The following HEY1 variants were observed in gnomAD, a reference collection of about 807,000 sequenced individuals.
The protein encoded by HEY1 is hes related family bHLH transcription factor with YRPW motif 1, also known as hairy/enhancer-of-split related with YRPW motif protein 1.
HEY1 carries 9 observed loss-of-function variants against 28.7 expected under a neutral mutation model. The ratio of observed to expected loss-of-function variants is 0.31; its 90% CI spans 0.19 to 0.55. The LOEUF is 0.55. Among genes scored for constraint, HEY1 ranks in the 20% least tolerant of loss-of-function variants. The pLI is 0.93. For synonymous variants in HEY1, 213 were observed against 175.6 expected (o/e 1.21, Z -1.68); for missense variants, 385 against 399.4 (o/e 0.96, Z 0.31).
chr8:79,767,717 TAAC>T lies in HEY1; in HGVS notation c.-57_-55del, dbSNP rs1807883313. 1 of 1,335,786 alleles carries T rather than the reference TAAC, an allele frequency of 7.5e-7. No homozygotes were observed. The highest frequency in any genetic ancestry group is 1.0e-6 in the Non-Finnish European group (1 of 958,966). The allele number at this position is 1,335,786 out of a possible 1,614,324, so 82.7% of individuals were successfully genotyped here. A position where few individuals can be genotyped will look rare whatever the true frequency, so the allele number is the denominator to read the frequency against. ...GTCGGCGCGGCGGGCAGGGAGGAGT[TAAC>T]TACAGCGGCGCCTCTCCGCTCTCGG... On this transcript the variant is annotated 5_prime_UTR_variant, in exon 1 of 5. Coordinates refer to ENST00000354724, the MANE Select transcript of HEY1 (RefSeq NM_012258.4).
chr8:79,767,654 C>T lies in HEY1; in HGVS notation c.10G>A (p.Ala4Thr). 1 of 1,599,810 alleles carries T rather than the reference C, an allele frequency of 6.3e-7. No individual in the cohort carries two copies. ...TCCGAGGAGCTGTACTCGGGGTGAG[C>T]TCGCTTCATGCTGGCTCCCTGGGGG... The part of the protein sequence containing the change: MKR[A>T]HPEYSSSDSE... Residue 4 changes from alanine to threonine, a missense_variant, in exon 1 of 5, where the codon GCT becomes ACT. Ala to Thr is a moderately conservative substitution (Grantham distance 58). Coordinates refer to ENST00000354724, the MANE Select transcript of HEY1 (RefSeq NM_012258.4).
In HEY1 at chr8:79,765,676, C is replaced by G; in HGVS notation, c.427G>C (p.Gly143Arg). The G allele has an allele frequency of 6.2e-7, 1 of 1,614,236 alleles. No individual in the cohort carries two copies. Residue 143 changes from glycine (G) to arginine (R), a missense_variant, in exon 5 of 5, where the codon GGA (glycine) becomes CGA (arginine). Gly to Arg is a moderately radical substitution (Grantham distance 125). Coordinates refer to ENST00000354724, the MANE Select transcript of HEY1 (RefSeq NM_012258.4). ...CGAAGCGGGTCAGAGGCATCTAGTC[C>G]TTCAATGATGCTCAGATAACGCGCA... ...EVARYLSIIE[G>R]LDASDPLRVR...
At position 79,765,233 on chromosome 8, in the gene HEY1, A is replaced by G; in HGVS notation, c.870T>C (p.Leu290=). ...SPSAPTQAAN[L]GKPYRPWGTE... Reference sequence around the variant, plus strand: ...TCCCCCAAGGTCTATAGGGCTTGCCAAGGTTTGCAGCCTGCGTGGGTGCTG... The same window carrying G: ...TCCCCCAAGGTCTATAGGGCTTGCCGAGGTTTGCAGCCTGCGTGGGTGCTG... The change falls in exon 5 of 5, where the codon CTT becomes CTC. Residue 290 remains leucine, a synonymous_variant. Transcript: ENST00000354724. 1 of 1,553,276 alleles carries G rather than the reference A, an allele frequency of 6.4e-7. No individual in the cohort carries two copies. Among genetic ancestry groups the G allele is most frequent in the Non-Finnish European group, 8.7e-7 (1 of 1,147,586 alleles).
chr8:79,765,037 A>C lies in HEY1; in HGVS notation c.*151T>G, dbSNP rs1026570197. The stretch of plus-strand genomic sequence containing the variant: ...AAAAACATTAAAAAAGATAAAAGTA[A>C]ACCAACAAACCTTTAGTCTTTAAAA... On this transcript the variant is annotated 3_prime_UTR_variant, in exon 5 of 5. Transcript: ENST00000354724. The C allele has an allele frequency of 5.4e-6, 3 of 554,868 alleles. No homozygotes were observed. The African/African-American group carries it at 5.8e-5, about 11-fold the overall frequency. 34.4% of individuals were successfully genotyped at this position (554,868 alleles called of 1,614,324 possible). A position where few individuals can be genotyped will look rare whatever the true frequency, so the allele number is the denominator to read the frequency against.
Position 79,765,071 on chromosome 8 carries a change from A to T in HEY1, c.*117T>A. ...ACCTTTAGTCTTTAAAAAAAAAATT[A>T]TCTGAAAGTGTACCTTTTTCCTTTT... On this transcript the variant is annotated 3_prime_UTR_variant, in exon 5 of 5. Transcript: ENST00000354724. 1.5e-6 allele frequency: 1 copy of T among 654,880 alleles called. No individual in the cohort carries two copies. The highest frequency in any genetic ancestry group is 2.4e-6 in the Non-Finnish European group (1 of 415,486). The allele number at this position is 654,880 out of a possible 1,614,324, so 40.6% of individuals were successfully genotyped here. A position where few individuals can be genotyped will look rare whatever the true frequency, so the allele number is the denominator to read the frequency against.
chr8:79,765,432 G>A lies in HEY1; in HGVS notation c.671C>T (p.Pro224Leu), dbSNP rs775156388. ...GGGCGCTCGCAAAGCAGGCGCCTCC[G>A]GATGTGCCGAGCCCAGCCTGCCCTG... ...HHQGRLGSAH[P>L]EAPALRAPPS... Residue 224 changes from proline to leucine, a missense_variant, in exon 5 of 5, where the codon CCG becomes CTG. Physicochemically the swap from Pro to Leu is moderately conservative, Grantham distance 98. This residue lies in a region of HEY1 where 223 missense variants were observed against 215.9 expected (regional missense o/e 1.03). Transcript: ENST00000354724. The A allele has an allele frequency of 1.2e-6, 2 of 1,612,204 alleles. No individual in the cohort carries two copies. The highest frequency in any genetic ancestry group is 2.2e-5 in the South Asian group (2 of 90,876).
Position 79,765,072 on chromosome 8 carries a change from T to A in HEY1, c.*116A>T, listed in dbSNP as rs1265412300. 4.6e-6 allele frequency: 3 copies of A among 652,804 alleles called. No individual in the cohort carries two copies. In the East Asian group the frequency reaches 9.0e-5, roughly 20 times the overall value. The allele number at this position is 652,804 out of a possible 1,614,324, so 40.4% of individuals were successfully genotyped here. The stretch of plus-strand genomic sequence containing the variant: ...CCTTTAGTCTTTAAAAAAAAAATTA[T>A]CTGAAAGTGTACCTTTTTCCTTTTT... On this transcript the variant is annotated 3_prime_UTR_variant, in exon 5 of 5. Coordinates refer to ENST00000354724, the MANE Select transcript of HEY1 (RefSeq NM_012258.4).
In HEY1 at chr8:79,767,285, A is replaced by T; in HGVS notation, c.99T>A (p.Ser33Arg). The change falls in exon 2 of 5, where the codon AGT becomes AGA. Residue 33 changes from serine to arginine, a missense_variant. Ser to Arg is a moderately radical substitution (Grantham distance 110). Transcript: ENST00000354724. ...KESADENGNLSSALGSMSPTT... is the reference protein window; with the variant it reads ...KESADENGNLRSALGSMSPTT... ...TTGGGGACATGGAACCTAGAGCCGA[A>T]CTCAAGTTTCTGAAAAGAGAAAAAG... The T allele has an allele frequency of 6.2e-7, 1 of 1,611,672 alleles. No individual in the cohort carries two copies. Among genetic ancestry groups the T allele is most frequent in the Non-Finnish European group, 8.5e-7 (1 of 1,179,328 alleles).
chr8:79,767,731 CCTCTCCG>C lies in HEY1; in HGVS notation c.-75_-69del. ...CAGGGAGGAGTTAACTACAGCGGCGCCTCTCCGCTCTCGGCTGCTTGCGTTCCGCACA... is the reference window on the plus strand; with the variant it reads ...CAGGGAGGAGTTAACTACAGCGGCGCCTCTCGGCTGCTTGCGTTCCGCACA... On this transcript the variant is annotated 5_prime_UTR_variant, in exon 1 of 5. Coordinates refer to ENST00000354724, the MANE Select transcript of HEY1 (RefSeq NM_012258.4). The C allele has an allele frequency of 8.7e-7, 1 of 1,142,940 alleles. No homozygotes were observed. The highest frequency in any genetic ancestry group is 1.3e-6 in the Non-Finnish European group (1 of 785,392). The allele number at this position is 1,142,940 out of a possible 1,614,324, so 70.8% of individuals were successfully genotyped here. A position where few individuals can be genotyped will look rare whatever the true frequency, so the allele number is the denominator to read the frequency against.
rs1193526246 is a variant in HEY1, at chr8:79,767,255, T to A, written c.129A>T (p.Thr43=). The A allele has an allele frequency of 1.2e-6, 2 of 1,613,816 alleles. No homozygotes were observed. The highest frequency in any genetic ancestry group is 8.5e-7 in the Non-Finnish European group (1 of 1,179,914). ...TTTTTCTGGCCAAAATCTGGGAAGA[T>A]GTAGTTGGGGACATGGAACCTAGAG... ...SSALGSMSPT[T]SSQILARKRR... is the part of the protein sequence containing the mutation. The change falls in exon 2 of 5, where the codon ACA becomes ACT. Residue 43 remains threonine (T), a synonymous_variant. Transcript: ENST00000354724.
At position 79,766,662 on chromosome 8, in the gene HEY1, G is replaced by A. The variant is rs771205702; in HGVS notation, c.320C>T (p.Ala107Val). 1 of 1,614,158 alleles carries A rather than the reference G, an allele frequency of 6.2e-7. No homozygotes were observed. The highest frequency in any genetic ancestry group is 1.1e-5 in the South Asian group (1 of 91,086). The part of the protein sequence containing the change: ...TVDHLKMLHT[A>V]GGKGYFDAHA... ...TCTAGGAGATGTACCTTTCCCTCCT[G>A]CCGTATGCAGCATTTTCAGGTGATC... The change falls in exon 4 of 5, where the codon GCA (alanine) becomes GTA (valine). Residue 107 changes from alanine (A) to valine (V), a missense_variant. Ala to Val is a moderately conservative substitution (Grantham distance 64). Coordinates refer to ENST00000354724, the MANE Select transcript of HEY1 (RefSeq NM_012258.4).
At chr8:79,767,530 C>T (rs1382661666) in intron 1 of HEY1, 45 bp downstream of exon 1, 1 of 1,545,288 alleles carries the variant, frequency 6.5e-7, no homozygotes, top group Middle Eastern at 1.7e-4. Context: ...GGCCTGCGCT[C>T]GCCTCCCGCT....
chr8:79,766,317 G>A, intron 4 of HEY1: 1 of 1,509,666 alleles, frequency 6.6e-7, no homozygotes, highest in African/African-American at 1.4e-5. Flanking sequence ...ACCACATATT[G>A]TTTTTAAATG....
In HEY1 at chr8:79,767,063, G is replaced by C. The variant is rs995120048; in HGVS notation, c.195C>G (p.Ile65Met). 4.3e-6 allele frequency: 7 copies of C among 1,613,990 alleles called. No homozygotes were observed. Among genetic ancestry groups the C allele is most frequent in the South Asian group, 1.1e-5 (1 of 91,060 alleles). Residue 65 changes from isoleucine to methionine, a missense_variant, in exon 3 of 5, where the codon ATC (isoleucine) becomes ATG (methionine). Physicochemically the swap from Ile to Met is conservative, Grantham distance 10. Coordinates refer to ENST00000354724, the MANE Select transcript of HEY1 (RefSeq NM_012258.4). The stretch of plus-strand genomic sequence containing the variant: ...TTCTCAGCTCAGACAAACTGTTATT[G>C]ATCCGGTCTCGTCGGCGCTTCTCAA... ...GIIEKRRRDR[I>M]NNSLSELRRL...
In HEY1 at chr8:79,767,113, AAAGG is replaced by A. The variant is rs769504424; in HGVS notation, c.166-25_166-22del. On this transcript the variant is annotated intron_variant, in intron 2 of 4. Transcript: ENST00000354724. ...ATTATCTGCAGAAGGCAAGCAAAAC[AAAGG>A]AAGGCATTACCATTACGACTGTAAA... The A allele has an allele frequency of 3.7e-6, 6 of 1,605,432 alleles. No homozygotes were observed. The African/African-American group carries it at 8.0e-5, about 21-fold the overall frequency.
chr8:79,766,175 T>C, intron 4 of HEY1: 3 of 1,507,660 alleles, frequency 2.0e-6, no homozygotes, highest in Non-Finnish European at 1.8e-6. Context: ...GTAAAGCATT[T>C]TCCTGCTGGA....
intron 4 of HEY1, 73 bp from the exon 5 acceptor site, chr8:79,765,844 C>T (rs1807821170): frequency 1.5e-6 from 2 of 1,327,150 alleles, no homozygotes; most frequent in Non-Finnish European, 2.1e-6. Context: ...CAGAGACAGC[C>T]CTTCCTGGCA....
Position 79,765,735 on chromosome 8 carries a change from C to T in HEY1, c.368G>A (p.Arg123Gln), listed in dbSNP as rs1807818126. ...FDAHALAMDY[R>Q]SLGFRECLAE... ...CAGGCATTCCCGAAATCCCAAACTC[C>T]GATAGTCCATAGCAAGGGCGTGCGC... The change falls in exon 5 of 5, where the codon CGG (arginine) becomes CAG (glutamine). Residue 123 changes from arginine to glutamine, a missense_variant. This residue lies in a region of HEY1 where 83 missense variants were observed against 122.7 expected (regional missense o/e 0.68). Coordinates refer to ENST00000354724, the MANE Select transcript of HEY1 (RefSeq NM_012258.4). 6.2e-7 allele frequency: 1 copy of T among 1,613,770 alleles called. No individual in the cohort carries two copies. Among genetic ancestry groups the T allele is most frequent in the African/African-American group, 1.3e-5 (1 of 75,044 alleles).
In HEY1 at chr8:79,765,015, A is replaced by T. The variant is rs1328615907; in HGVS notation, c.*173T>A. The T allele has an allele frequency of 1.9e-6, 1 of 532,916 alleles. No homozygotes were observed. Among genetic ancestry groups the T allele is most frequent in the East Asian group, 3.0e-5 (1 of 32,854 alleles). 33.0% of individuals were successfully genotyped at this position (532,916 alleles called of 1,614,324 possible). On this transcript the variant is annotated 3_prime_UTR_variant, in exon 5 of 5. Transcript: ENST00000354724. The stretch of plus-strand genomic sequence containing the variant: ...TGCTAATACATGACATGATGAAAAA[A>T]ACATTAAAAAAGATAAAAGTAAACC...
Sources: allele counts gnomAD v4.1 joint callset, GRCh38; gene constraint gnomAD v4.1.1; regional missense constraint gnomAD v4.1.1; transcripts MANE v1.5; gene names NCBI Gene and HGNC (gene_info 2026-07-23, HGNC 2026-07-21).